The following ITGA9 variants were observed in gnomAD, a reference collection of about 807,000 sequenced individuals.
The protein encoded by ITGA9 is integrin subunit alpha 9.
In ITGA9, 56 loss-of-function variants were observed where a neutral mutation model predicts 127.8. The observed-to-expected ratio is 0.44, with a 90% CI of 0.35 to 0.55. ITGA9 has a LOEUF of 0.55. Ranked by LOEUF, ITGA9 falls within the 20% of genes least tolerant of loss-of-function variation. The pLI, the probability that ITGA9 is intolerant of heterozygous loss-of-function variation, is 0.00. For missense variants in ITGA9, 1,196 were observed against 1,347.1 expected (o/e 0.89, Z 1.76); for synonymous variants, 508 against 514.5 (o/e 0.99, Z 0.17).
At chr3:37,496,439 C>A (rs1224556918) in intron 5 of ITGA9, among the ~76,000 whole-genome samples, 1 of 152,178 alleles carries the variant, frequency 6.6e-6, no homozygotes, top group Non-Finnish European at 1.5e-5. Context: ...AGTCCCACCA[C>A]CTCCTATGCC....
intron 6 of ITGA9, among the ~76,000 whole-genome samples, chr3:37,504,492 T>C (rs920453643): frequency 1.3e-5 from 2 of 152,186 alleles, no homozygotes; most frequent in African/African-American, 4.8e-5. Flanking sequence ...ACTGTACTTC[T>C]CACTGGGCTG....
chr3:37,669,080 C>T (rs1203625098), intron 17 of ITGA9, among the ~76,000 whole-genome samples: 1 of 152,194 alleles, frequency 6.6e-6, no homozygotes, highest in Non-Finnish European at 1.5e-5. Context: ...GGTAGAGAAC[C>T]TCTAGATTTT....
intron 18 of ITGA9, among the ~76,000 whole-genome samples, chr3:37,723,334 T>C (rs907812824): frequency 6.6e-6 from 1 of 151,974 alleles, no homozygotes; most frequent in East Asian, 1.9e-4. Flanking sequence ...CCAGTTTTTT[T>C]TGCTACTTTT....
At chr3:37,607,271 A>AT (rs1699977755) in intron 15 of ITGA9, among the ~76,000 whole-genome samples, 1 of 152,178 alleles carries the variant, frequency 6.6e-6, no homozygotes, top group Non-Finnish European at 1.5e-5. Context: ...TAATACATCC[A>AT]TCATCCTATC....
intron 23 of ITGA9, among the ~76,000 whole-genome samples, chr3:37,751,000 A>T (rs1696578864): frequency 6.6e-6 from 1 of 152,222 alleles, no homozygotes; most frequent in Non-Finnish European, 1.5e-5. Context: ...GTTTTTCCAT[A>T]GATAGCTTGA....
chr3:37,766,128 G>A lies in ITGA9; in HGVS notation c.2542-11264G>A, dbSNP rs1179332633. Among the ~76,000 whole-genome samples, 2 of 152,248 alleles carry A rather than the reference G, an allele frequency of 1.3e-5. 1 individual carries two copies. Among genetic ancestry groups the A allele is most frequent in the South Asian group, 4.1e-4 (2 of 4,838 alleles). ...TCACTGAGGATAAACAGGGCTCATC[G>A]GCCATTGCCGAGAAACACATGGTTC... On this transcript the variant is annotated intron_variant, in intron 23 of 27. Coordinates refer to ENST00000264741, the MANE Select transcript of ITGA9 (RefSeq NM_002207.3).
At chr3:37,453,616 G>A (rs1698226385) in intron 1 of ITGA9, among the ~76,000 whole-genome samples, 1 of 152,192 alleles carries the variant, frequency 6.6e-6, no homozygotes, top group Non-Finnish European at 1.5e-5. Context: ...CCAGGCCGGG[G>A]TTGATTTTAT....
At chr3:37,731,013 C>T (rs1696284672) in intron 18 of ITGA9, among the ~76,000 whole-genome samples, 1 of 152,186 alleles carries the variant, frequency 6.6e-6, no homozygotes, top group Non-Finnish European at 1.5e-5. Context: ...TAAGAAGCTT[C>T]CTCTGGCAGC....
At chr3:37,764,747 G>T (rs1696761052) in intron 23 of ITGA9, among the ~76,000 whole-genome samples, 1 of 152,154 alleles carries the variant, frequency 6.6e-6, no homozygotes, top group Non-Finnish European at 1.5e-5. Flanking sequence ...CTCTGTCAAG[G>T]CTTCCCAGAT....
At chr3:37,556,360 A>G (rs770582912) in intron 15 of ITGA9, among the ~76,000 whole-genome samples, 2 of 152,040 alleles carry the variant, frequency 1.3e-5, no homozygotes, top group Non-Finnish European at 2.9e-5. Context: ...AGGGGTCAAG[A>G]CTCGTTTCAT....
intron 21 of ITGA9, 138 bp downstream of exon 21, chr3:37,741,957 G>A (rs938644064): frequency 4.1e-6 from 3 of 734,424 alleles, no homozygotes; most frequent in Non-Finnish European, 7.4e-6. Flanking sequence ...TGAAAAGCAG[G>A]ATGAAGCTTT....
chr3:37,492,166 G>A (rs1346786905), intron 4 of ITGA9, among the ~76,000 whole-genome samples: 1 of 152,192 alleles, frequency 6.6e-6, no homozygotes, highest in African/African-American at 2.4e-5. Context: ...TGGGAGGCTG[G>A]GACATGGCCT....
At chr3:37,636,727 T>C (rs1700282903) in intron 16 of ITGA9, among the ~76,000 whole-genome samples, 1 of 152,192 alleles carries the variant, frequency 6.6e-6, no homozygotes, top group African/African-American at 2.4e-5. Flanking sequence ...TCCTGAATGG[T>C]ATTGCCTAGG....
chr3:37,460,129 A>T (rs917991438), intron 1 of ITGA9, among the ~76,000 whole-genome samples: 6 of 147,654 alleles, frequency 4.1e-5, no homozygotes, highest in Non-Finnish European at 8.8e-5. Context: ...TCTGAGTTCT[A>T]CTGGCTCCCA....
rs1379956745 is a variant in ITGA9, at chr3:37,525,962, C to A, written c.1328-64C>A. ...GGGTCTCCATCCTTGTGAGCGCATT[C>A]CCAGGGCGCGGTTGTGTATGGGCTT... On this transcript the variant is annotated intron_variant, in intron 12 of 27. Coordinates refer to ENST00000264741, the MANE Select transcript of ITGA9 (RefSeq NM_002207.3). The A allele has an allele frequency of 1.2e-5, 17 of 1,412,926 alleles. No individual in the cohort carries two copies. The Admixed American group carries it at 2.8e-4, about 24-fold the overall frequency. The allele number at this position is 1,412,926 out of a possible 1,614,324, so 87.5% of individuals were successfully genotyped here.
intron 4 of ITGA9, among the ~76,000 whole-genome samples, chr3:37,485,594 T>C (rs57995386): frequency 0.069 from 10,502 of 152,120 alleles, 561 homozygotes; most frequent in African/African-American, 0.15. Flanking sequence ...TAAGTCTCCA[T>C]ATGGGCCAGC....
rs148023919 is a variant in ITGA9 at position 37,666,176 on chromosome 3, G to A, written c.1916+12386G>A. 7.2e-4 allele frequency among the ~76,000 whole-genome samples: 109 copies of A among 152,268 alleles called. 1 individual carries two copies. The East Asian group carries it at 0.019, about 26-fold the overall frequency. On this transcript the variant is annotated intron_variant, in intron 17 of 27. Coordinates refer to ENST00000264741, the MANE Select transcript of ITGA9 (RefSeq NM_002207.3). ...CGATGGGAATATGAGGGAGTTCCCC[G>A]GAAGCACAAGGGAGGCAGCACTCTA... is the stretch of plus-strand genomic sequence containing the variant.
Position 37,784,986 on chromosome 3 carries a change from T to C in ITGA9, c.2797T>C (p.Ser933Pro). 2 of 1,613,744 alleles carry C rather than the reference T, an allele frequency of 1.2e-6. No homozygotes were observed. Among genetic ancestry groups the C allele is most frequent in the Admixed American group, 1.7e-5 (1 of 60,032 alleles). Residue 933 changes from serine to proline, a missense_variant, in exon 26 of 28, where the codon TCT (serine) becomes CCT (proline). Physicochemically the swap from Ser to Pro is moderately conservative, Grantham distance 74. Transcript: ENST00000264741. ...GTTGTTTCTTCCACAGGACAGTTCG[T>C]CTGTCATCCAGTTCATGTCCCGCGC... ...NTEILKKDSS[S>P]VIQFMSRAKV...
At chr3:37,539,270 A>G (rs1397470469) in intron 14 of ITGA9, among the ~76,000 whole-genome samples, 1 of 152,258 alleles carries the variant, frequency 6.6e-6, no homozygotes, top group Non-Finnish European at 1.5e-5. Context: ...AGCCTGGGTC[A>G]AGGATCTGAG....
Sources: allele counts gnomAD v4.1 joint callset (sites outside exome capture counted in the v4.1 genomes callset), GRCh38; gene constraint gnomAD v4.1.1; transcripts MANE v1.5; gene names NCBI Gene and HGNC (gene_info 2026-07-23, HGNC 2026-07-21).